The following EXOC4 variants were observed in gnomAD, a reference collection of about 807,000 sequenced individuals.
EXOC4 encodes the protein exocyst complex component 4, also known as SEC8-like 1.
In EXOC4, 71 loss-of-function variants were observed where a neutral mutation model predicts 107.2. The observed-to-expected ratio is 0.66, with a 90% CI of 0.55 to 0.81. The LOEUF (loss-of-function observed/expected upper bound fraction) is 0.81, where lower values mean the gene tolerates loss of function less well. Ranked by LOEUF, EXOC4 falls within the 30% of genes least tolerant of loss-of-function variation. The pLI is 0.00. For synonymous variants in EXOC4, 456 were observed against 441.2 expected (o/e 1.03, Z -0.42); for missense variants, 1,108 against 1,189.6 (o/e 0.93, Z 1.01).
At chr7:133,879,310 G>T (rs925396093) in intron 11 of EXOC4, among the ~76,000 whole-genome samples, 5 of 151,892 alleles carry the variant, frequency 3.3e-5, no homozygotes, top group Non-Finnish European at 7.4e-5. Flanking sequence ...GCCTAGGCTG[G>T]TCTCAAACTC....
chr7:133,678,517 C>T (rs111782920), intron 10 of EXOC4, among the ~76,000 whole-genome samples: 111 of 152,084 alleles, frequency 7.3e-4, no homozygotes, highest in African/African-American at 2.6e-3. Flanking sequence ...TAGTCACATA[C>T]CTGGTTGGTT....
At chr7:133,454,277 C>G (rs915960650) in intron 7 of EXOC4, among the ~76,000 whole-genome samples, 1 of 152,128 alleles carries the variant, frequency 6.6e-6, no homozygotes, top group African/African-American at 2.4e-5. Context: ...AATAATTTCT[C>G]CAACACTGCT....
the EXOC4 span, among the ~76,000 whole-genome samples, chr7:134,087,595 G>T: frequency 6.6e-6 from 1 of 152,160 alleles, no homozygotes; most frequent in Non-Finnish European, 1.5e-5. Flanking sequence ...ATATGGGGTT[G>T]CTAGATGATT....
chr7:133,887,283 A>T (rs1282551666), intron 11 of EXOC4, among the ~76,000 whole-genome samples: 2 of 152,196 alleles, frequency 1.3e-5, no homozygotes, highest in Non-Finnish European at 2.9e-5. Flanking sequence ...AAAATCCCTC[A>T]TATATATGAC....
chr7:134,052,478 A>ATTTTT (rs142514193), intron 17 of EXOC4, among the ~76,000 whole-genome samples: 1 of 147,600 alleles, frequency 6.8e-6, no homozygotes, highest in Non-Finnish European at 1.5e-5. Context: ...GGAAGGACTG[A>ATTTTT]TTTTTTTTTT....
intron 8 of EXOC4, chr7:133,479,814 C>A (rs1364716012): frequency 7.9e-6 from 4 of 505,196 alleles, no homozygotes; most frequent in African/African-American, 1.9e-5. Flanking sequence ...AGTTGAAATG[C>A]AGAATAAGCA....
At chr7:133,619,374 C>G (rs145377449) in intron 9 of EXOC4, among the ~76,000 whole-genome samples, 201 of 152,338 alleles carry the variant, frequency 1.3e-3, no homozygotes, top group African/African-American at 4.7e-3. Context: ...AAGACAATGA[C>G]AGCATTTAAA....
At chr7:133,658,262 T>C (rs937598797) in intron 10 of EXOC4, among the ~76,000 whole-genome samples, 3 of 152,146 alleles carry the variant, frequency 2.0e-5, no homozygotes, top group African/African-American at 7.2e-5. Context: ...TATGAACTTG[T>C]TTCTCCATTA....
At chr7:133,966,944 T>C (rs1236336642) in intron 14 of EXOC4, among the ~76,000 whole-genome samples, 1 of 152,208 alleles carries the variant, frequency 6.6e-6, no homozygotes, top group African/African-American at 2.4e-5. Flanking sequence ...CAGCTGTGAA[T>C]TCGTCTGGTC....
intron 10 of EXOC4, among the ~76,000 whole-genome samples, chr7:133,815,624 G>A (rs977994812): frequency 6.6e-6 from 1 of 152,154 alleles, no homozygotes; most frequent in African/African-American, 2.4e-5. Flanking sequence ...GTTTGGCTCG[G>A]TTGCCAGCAT....
chr7:133,770,199 A>G (rs1796217486), intron 10 of EXOC4, among the ~76,000 whole-genome samples: 1 of 151,892 alleles, frequency 6.6e-6, no homozygotes, highest in Non-Finnish European at 1.5e-5. Flanking sequence ...TTTAGCTTGT[A>G]TTACCCACTT....
intron 15 of EXOC4, among the ~76,000 whole-genome samples, chr7:134,003,117 G>A (rs1794567689): frequency 6.6e-6 from 1 of 152,154 alleles, no homozygotes; most frequent in Admixed American, 6.5e-5. Flanking sequence ...CAATTCAGTG[G>A]AAGGCTACCC....
chr7:133,839,343 T>C, intron 11 of EXOC4, among the ~76,000 whole-genome samples: 1 of 152,234 alleles, frequency 6.6e-6, no homozygotes, highest in Non-Finnish European at 1.5e-5. Flanking sequence ...AGATAGTTTG[T>C]TGTGCCTGCA....
At chr7:133,872,980 A>G (rs1429619094) in intron 11 of EXOC4, among the ~76,000 whole-genome samples, 1 of 152,230 alleles carries the variant, frequency 6.6e-6, no homozygotes, top group Non-Finnish European at 1.5e-5. Context: ...TTGAGAAAAT[A>G]GAAAGCCTGG....
intron 9 of EXOC4, among the ~76,000 whole-genome samples, chr7:133,493,261 C>A (rs1799409939): frequency 6.6e-6 from 1 of 152,092 alleles, no homozygotes; most frequent in Non-Finnish European, 1.5e-5. Flanking sequence ...CCTGTCTCTA[C>A]TAAAAATACT....
chr7:133,717,446 C>A (rs1340502212), intron 10 of EXOC4, among the ~76,000 whole-genome samples: 1 of 152,122 alleles, frequency 6.6e-6, no homozygotes, highest in African/African-American at 2.4e-5. Flanking sequence ...CTTGCCGCCC[C>A]CCAACCCGTG....
intron 7 of EXOC4, among the ~76,000 whole-genome samples, chr7:133,471,105 G>A (rs547979342): frequency 5.3e-5 from 8 of 152,100 alleles, no homozygotes; most frequent in Admixed American, 5.2e-4. Context: ...AGGCTTTTTT[G>A]TTCTTTGAGA....
chr7:134,024,045 C>T (rs1170928129), intron 17 of EXOC4, among the ~76,000 whole-genome samples: 1 of 152,176 alleles, frequency 6.6e-6, no homozygotes, highest in Non-Finnish European at 1.5e-5. Flanking sequence ...TGGACCACAC[C>T]TTACAGGGAG....
intron 10 of EXOC4, among the ~76,000 whole-genome samples, chr7:133,793,573 G>A (rs950532055): frequency 6.6e-6 from 1 of 152,130 alleles, no homozygotes; most frequent in African/African-American, 2.4e-5. Context: ...GGCCAGGTGC[G>A]GTGGCTCACA....
Sources: gnomAD v4.1 joint callset for allele counts (sites outside exome capture counted in the v4.1 genomes callset) on GRCh38, gnomAD v4.1.1 for gene constraint, MANE v1.5 for transcripts, NCBI Gene and HGNC (gene_info 2026-07-23, HGNC 2026-07-21) for gene names.